The following SYNE1 variants were observed in gnomAD, a reference collection of about 807,000 sequenced individuals.
SYNE1 encodes the protein spectrin repeat containing nuclear envelope protein 1.
In SYNE1, 616 loss-of-function variants were observed where a neutral mutation model predicts 1,111.0. The ratio of observed to expected loss-of-function variants is 0.55; its 90% CI spans 0.52 to 0.59. The LOEUF is 0.59. Among genes scored for constraint, SYNE1 ranks in the 20% least tolerant of loss-of-function variants. The pLI is 0.00. For missense variants in SYNE1, 10,006 were observed against 10,417.0 expected, an observed-to-expected ratio of 0.96 and a Z score of 1.72; for synonymous variants, 3,855 against 3,825.8, an observed-to-expected ratio of 1.01 and a Z score of -0.28.
Position 152,321,257 on chromosome 6 carries a change from T to C in SYNE1, c.16217A>G (p.Asp5406Gly). The C allele has an allele frequency of 7.4e-6, 12 of 1,613,900 alleles. No homozygotes were observed. The highest frequency in any genetic ancestry group is 1.0e-5 in the Non-Finnish European group (12 of 1,179,898). Residue 5406 changes from aspartate to glycine, a missense_variant, in exon 84 of 146, where the codon GAT (aspartate) becomes GGT (glycine). Asp to Gly is a moderately conservative substitution (Grantham distance 94). This residue lies in a region of SYNE1 where 4,955 missense variants were observed against 5,017.2 expected (regional missense o/e 0.99). Transcript: ENST00000367255. ...GTTTACCTGATCTCGGATCTTTAGA[T>C]CTAACGCCACTTCAGCCAACTGAAG... ...LSLQLAEVAL[D>G]LKIRDQIQDK...
At chr6:152,603,076 T>C (rs112427670) in intron 3 of SYNE1, among the ~76,000 whole-genome samples, 4 of 152,186 alleles carry the variant, frequency 2.6e-5, no homozygotes, top group African/African-American at 9.6e-5. Flanking sequence ...CAGACTCAGA[T>C]CACTAGCCTG....
chr6:152,203,048 T>C (rs1434390396), intron 126 of SYNE1, among the ~76,000 whole-genome samples: 2 of 152,156 alleles, frequency 1.3e-5, no homozygotes, highest in Admixed American at 1.3e-4. Context: ...TAGAATGAGG[T>C]AGAGCTCTAT....
At position 152,301,872 on chromosome 6, in the gene SYNE1, G is replaced by A; in HGVS notation, c.17538C>T (p.Val5846=). 1.2e-5 allele frequency: 19 copies of A among 1,610,706 alleles called. No individual in the cohort carries two copies. Among genetic ancestry groups the A allele is most frequent in the Non-Finnish European group, 1.6e-5 (19 of 1,177,500 alleles). Residue 5846 remains valine (V), a synonymous_variant, in exon 92 of 146, where the codon GTC becomes GTT. Coordinates refer to ENST00000367255, the MANE Select transcript of SYNE1 (RefSeq NM_182961.4). The part of the protein sequence containing the change: ...LPTPSAHPSV[V]MMTAGRCHTL... ...CGGGGACCCACTGGATCCTTACCATGACCACAGAGGGGTGGGCCGAAGGCG... is the reference window on the plus strand; with the variant it reads ...CGGGGACCCACTGGATCCTTACCATAACCACAGAGGGGTGGGCCGAAGGCG...
At chr6:152,415,789 T>TAAAAAAAAAAAAAAAAA (rs1209590450) in intron 41 of SYNE1, among the ~76,000 whole-genome samples, 3 of 73,020 alleles carry the variant, frequency 4.1e-5, no homozygotes, top group African/African-American at 1.8e-4. Flanking sequence ...TTCAAAGTGG[T>TAAAAAAAAAAAAAAAAA]AAAAAAAAAA....
chr6:152,573,968 C>G (rs2099485129), intron 3 of SYNE1, among the ~76,000 whole-genome samples: 1 of 151,910 alleles, frequency 6.6e-6, no homozygotes, highest in South Asian at 2.1e-4. Flanking sequence ...GCTGTGGGAG[C>G]TGGGGGAAGC....
At chr6:152,472,012 T>C (rs1311593610) in intron 15 of SYNE1, 3 of 592,760 alleles carry the variant, frequency 5.1e-6, no homozygotes, top group Non-Finnish European at 5.9e-6. Context: ...TTTTATAAGC[T>C]GTTTTTGCAA....
At chr6:152,510,112 C>T (rs529558028) in intron 8 of SYNE1, 81 bp downstream of exon 8, 36 of 1,366,786 alleles carry the variant, frequency 2.6e-5, no homozygotes, top group Non-Finnish European at 3.4e-5. Flanking sequence ...CTTCACATTT[C>T]GCAATCATTA....
intron 115 of SYNE1, among the ~76,000 whole-genome samples, chr6:152,227,781 A>G (rs2081931631): frequency 6.6e-6 from 1 of 152,134 alleles, no homozygotes; most frequent in East Asian, 1.9e-4. Context: ...AACTATTTCT[A>G]AAATGCCCTG....
intron 2 of SYNE1, among the ~76,000 whole-genome samples, chr6:152,634,382 T>C (rs2099702745): frequency 1.3e-5 from 2 of 152,206 alleles, no homozygotes; most frequent in South Asian, 4.1e-4. Flanking sequence ...ATAAAATTTT[T>C]AGTCATGAAT....
rs186786134 is a variant in SYNE1 at position 152,193,874 on chromosome 6, G to A, written c.23146-4467C>T. On this transcript the variant is annotated intron_variant, in intron 127 of 145. Transcript: ENST00000367255. ...AAAAAATACAAAAAATTAGCCGGGCGTGGTGGTGGGTGCCTGTAGTCCCAG... is the reference window on the plus strand; with the variant it reads ...AAAAAATACAAAAAATTAGCCGGGCATGGTGGTGGGTGCCTGTAGTCCCAG... 1.9e-3 allele frequency among the ~76,000 whole-genome samples: 289 copies of A among 151,842 alleles called. 2 individuals are homozygous for A. In the South Asian group the frequency reaches 0.027, roughly 14 times the overall value.
intron 36 of SYNE1, 151 bp from the exon 37 acceptor site, chr6:152,428,543 A>T: frequency 1.3e-6 from 1 of 756,850 alleles, no homozygotes. Flanking sequence ...GTTTGATAGA[A>T]GAAATGAGAC....
intron 49 of SYNE1, among the ~76,000 whole-genome samples, chr6:152,397,977 G>T (rs2097761746): frequency 6.6e-6 from 1 of 151,194 alleles, no homozygotes; most frequent in Admixed American, 6.6e-5. Context: ...CTCCAGCCTG[G>T]GTGACAGAGC....
intron 63 of SYNE1, among the ~76,000 whole-genome samples, chr6:152,362,593 G>A (rs564921065): frequency 4.6e-5 from 7 of 152,240 alleles, no homozygotes; most frequent in Non-Finnish European, 8.8e-5. Flanking sequence ...GGGGGGACAC[G>A]AGACACTGGG....
intron 3 of SYNE1, among the ~76,000 whole-genome samples, chr6:152,552,638 G>A (rs1297654456): frequency 6.6e-6 from 1 of 152,060 alleles, no homozygotes; most frequent in East Asian, 1.9e-4. Flanking sequence ...GCACCTAAAA[G>A]AGTGAACCTG....
chr6:152,450,022 G>A (rs112214664), intron 27 of SYNE1, among the ~76,000 whole-genome samples: 29 of 152,150 alleles, frequency 1.9e-4, no homozygotes, highest in African/African-American at 9.7e-5. Flanking sequence ...TGGCTGTGTC[G>A]CCACCCAAAT....
At chr6:152,205,783 A>G (rs2076393280) in intron 126 of SYNE1, among the ~76,000 whole-genome samples, 1 of 152,188 alleles carries the variant, frequency 6.6e-6, no homozygotes, top group Admixed American at 6.5e-5. Flanking sequence ...TCCCTTCCAT[A>G]AAAGAAGAGA....
intron 4 of SYNE1, among the ~76,000 whole-genome samples, chr6:152,529,333 ACTT>A (rs2099184011): frequency 6.6e-6 from 1 of 152,202 alleles, no homozygotes; most frequent in African/African-American, 2.4e-5. Flanking sequence ...AAATGTGAGA[ACTT>A]CTTAAATTTT....
chr6:152,164,879 G>A (rs923120298), intron 130 of SYNE1, among the ~76,000 whole-genome samples: 6 of 152,186 alleles, frequency 3.9e-5, no homozygotes, highest in Admixed American at 3.9e-4. Context: ...GTAAACAGCA[G>A]ATGAGCAAAA....
chr6:152,374,105 CAAG>C (rs1161487432), intron 58 of SYNE1, among the ~76,000 whole-genome samples: 5 of 152,124 alleles, frequency 3.3e-5, no homozygotes, highest in African/African-American at 1.2e-4. Context: ...AAAAAAATAA[CAAG>C]AGAGTGTTTC....
Sources: gnomAD v4.1 joint callset for allele counts (sites outside exome capture counted in the v4.1 genomes callset) on GRCh38, gnomAD v4.1.1 for gene constraint, gnomAD v4.1.1 regional missense constraint, MANE v1.5 for transcripts, NCBI Gene and HGNC (gene_info 2026-07-23, HGNC 2026-07-21) for gene names.